Variants in CHLSN observed in about 807,000 individuals in gnomAD.
CHLSN encodes the protein cholesin, also known as protein cholesin.
the CHLSN span, among the ~76,000 whole-genome samples, chr7:1,066,317 C>A: frequency 6.6e-6 from 1 of 152,228 alleles, no homozygotes; most frequent in Non-Finnish European, 1.5e-5. Context: ...TCCTACGGGA[C>A]CCCCACGCCG....
the CHLSN span, among the ~76,000 whole-genome samples, chr7:1,001,217 G>A: frequency 6.6e-6 from 1 of 152,246 alleles, no homozygotes; most frequent in African/African-American, 2.4e-5. Flanking sequence ...GAGCCCAGAA[G>A]CCTCCATCAG....
the CHLSN span, among the ~76,000 whole-genome samples, chr7:1,006,697 T>TGCAGGGAAAGAGCGCACGACGGTCACAGC: frequency 7.1e-6 from 1 of 141,826 alleles, no homozygotes; most frequent in Non-Finnish European, 1.5e-5. Flanking sequence ...ACGGTCATAC[T>TGCAGGGAAAGAGCGCACGACGGTCACAGC]GCAGGGAAAG....
chr7:1,047,386 G>C, the CHLSN span, among the ~76,000 whole-genome samples: 3 of 152,224 alleles, frequency 2.0e-5, no homozygotes, highest in Admixed American at 6.5e-5. Flanking sequence ...AAAAGCAAAA[G>C]GCTACAAAAA....
the CHLSN span, chr7:1,025,115 C>T: frequency 6.6e-6 from 1 of 152,290 alleles, no homozygotes; most frequent in East Asian, 1.9e-4. Flanking sequence ...GAGACCCAGC[C>T]CCAGGGGCAG....
chr7:1,043,387 G>C, the CHLSN span: 1 of 152,242 alleles, frequency 6.6e-6, no homozygotes, highest in African/African-American at 2.4e-5. Context: ...ATAAAGTAAT[G>C]GCATAGCTAA....
chr7:1,048,324 A>C, the CHLSN span, among the ~76,000 whole-genome samples: 1 of 152,194 alleles, frequency 6.6e-6, no homozygotes, highest in Non-Finnish European at 1.5e-5. Context: ...CAGCAACATC[A>C]AAAGCGATGG....
chr7:1,002,746 G>GT, the CHLSN span, among the ~76,000 whole-genome samples: 2 of 106,914 alleles, frequency 1.9e-5, no homozygotes, highest in Non-Finnish European at 3.8e-5. Flanking sequence ...CCTGTGGGTG[G>GT]GGAGTCCTGT....
chr7:1,121,509 G>A, the CHLSN span, among the ~76,000 whole-genome samples: 11 of 152,206 alleles, frequency 7.2e-5, no homozygotes, highest in Admixed American at 5.9e-4. Context: ...GTTTTATAAA[G>A]CTGCGGTCTT....
At chr7:993,930 G>A in the CHLSN span, among the ~76,000 whole-genome samples, 1 of 150,856 alleles carries the variant, frequency 6.6e-6, no homozygotes, top group African/African-American at 2.4e-5. Context: ...CTGCTCAGAG[G>A]CCGCTTCCTC....
At chr7:1,019,037 A>G in the CHLSN span, among the ~76,000 whole-genome samples, 1 of 152,050 alleles carries the variant, frequency 6.6e-6, no homozygotes, top group Admixed American at 6.5e-5. Flanking sequence ...TCTACTAAAA[A>G]TACAAAAATT....
the CHLSN span, among the ~76,000 whole-genome samples, chr7:1,098,608 G>C: frequency 6.6e-6 from 1 of 152,032 alleles, no homozygotes; most frequent in African/African-American, 2.4e-5. Flanking sequence ...GTGAGATAAA[G>C]CAGACACGAG....
the CHLSN span, among the ~76,000 whole-genome samples, chr7:980,549 C>T: frequency 6.6e-6 from 1 of 152,152 alleles, no homozygotes; most frequent in African/African-American, 2.4e-5. Flanking sequence ...ATATTTTTAT[C>T]AGGATGTTCT....
chr7:1,091,446 G>A, the CHLSN span: 18 of 437,290 alleles, frequency 4.1e-5, no homozygotes, highest in African/African-American at 2.6e-4. Flanking sequence ...GACTGTGCAC[G>A]GTGGCCGACA....
chr7:980,762 A>G, the CHLSN span, among the ~76,000 whole-genome samples: 1 of 141,508 alleles, frequency 7.1e-6, no homozygotes, highest in African/African-American at 2.7e-5. Context: ...ATCTCAGCTC[A>G]CTGCAAGCTC....
the CHLSN span, chr7:987,296 C>A: frequency 7.2e-6 from 11 of 1,517,784 alleles, no homozygotes; most frequent in African/African-American, 1.4e-5. Context: ...CGGGGGACCC[C>A]CAGGGACGAG....
At chr7:1,041,309 G>GCGCCGCGGGGAACGGGACCTGGGC in the CHLSN span, among the ~76,000 whole-genome samples, 4 of 43,250 alleles carry the variant, frequency 9.2e-5, no homozygotes, top group Admixed American at 2.3e-4. Flanking sequence ...GGGACCTGGG[G>GCGCCGCGGGGAACGGGACCTGGGC]TCCGCGCTGC....
At chr7:1,079,681 C>A in the CHLSN span, among the ~76,000 whole-genome samples, 1 of 152,176 alleles carries the variant, frequency 6.6e-6, no homozygotes, top group South Asian at 2.1e-4. Flanking sequence ...CCGTGGCAGG[C>A]AGGCCCTGGC....
At chr7:1,041,047 T>G in the CHLSN span, among the ~76,000 whole-genome samples, 1 of 152,130 alleles carries the variant, frequency 6.6e-6, no homozygotes, top group African/African-American at 2.4e-5. Flanking sequence ...ACGTTCCCTG[T>G]GGGAACAGCT....
chr7:978,339 G>A, the CHLSN span, among the ~76,000 whole-genome samples: 1,122 of 152,220 alleles, frequency 7.4e-3, 13 homozygotes, highest in Non-Finnish European at 5.7e-3. Context: ...GCAACATGCT[G>A]AAACCCTACG....
Sources: gnomAD v4.1 joint callset for allele counts (sites outside exome capture counted in the v4.1 genomes callset) on GRCh38, gnomAD v4.1.1 for gene constraint, MANE v1.5 for transcripts, NCBI Gene and HGNC (gene_info 2026-07-23, HGNC 2026-07-21) for gene names.